The following PPP1R14D variants were observed in gnomAD, a reference collection of about 807,000 sequenced individuals.
PPP1R14D encodes protein phosphatase 1 regulatory subunit 14D.
In PPP1R14D, 14 loss-of-function variants were observed where a neutral mutation model predicts 17.1. That is an observed-to-expected ratio of 0.82 (90% CI 0.54 to 1.28). The LOEUF (loss-of-function observed/expected upper bound fraction) is 1.28, where lower values mean the gene tolerates loss of function less well. Ranked by LOEUF, PPP1R14D falls within the 50% of genes most tolerant of loss-of-function variation. The probability of loss-of-function intolerance (pLI) is 0.00; values close to 1 mark genes in which losing one functional copy is unlikely to be tolerated. For synonymous variants in PPP1R14D, 67 were observed against 66.1 expected (o/e 1.01, Z -0.06); for missense variants, 173 against 179.2 (o/e 0.97, Z 0.20).
intron 1 of PPP1R14D, among the ~76,000 whole-genome samples, chr15:40,826,016 A>C (rs1195217349): frequency 1.3e-5 from 2 of 152,250 alleles, no homozygotes. Flanking sequence ...GCAAGTGCAC[A>C]ATAAACAATC....
chr15:40,819,998 C>T (rs942056326), intron 1 of PPP1R14D, among the ~76,000 whole-genome samples: 4 of 151,652 alleles, frequency 2.6e-5, no homozygotes, highest in African/African-American at 9.7e-5. Context: ...TCCCGAGTAG[C>T]TGGGATTATA....
intron 1 of PPP1R14D, among the ~76,000 whole-genome samples, chr15:40,827,539 A>C (rs1890889090): frequency 6.6e-6 from 1 of 151,888 alleles, no homozygotes; most frequent in Admixed American, 6.6e-5. Context: ...AATGTGGCCC[A>C]TGTGACTGGG....
In PPP1R14D at chr15:40,823,153, G is replaced by A. The variant is rs557405601; in HGVS notation, c.255+5234C>T. Among the ~76,000 whole-genome samples, 5 of 151,788 alleles carry A rather than the reference G, an allele frequency of 3.3e-5. No individual in the cohort carries two copies. In the South Asian group the frequency reaches 8.3e-4, roughly 25 times the overall value. ...CTAATTTTGTATTTTTAGTAGAGAC[G>A]GGATTTCACCATGTTGGCCAGGCTG... On this transcript the variant is annotated intron_variant, in intron 1 of 3. Coordinates refer to ENST00000299174, the MANE Select transcript of PPP1R14D (RefSeq NM_017726.8).
rs201528214 is a variant in PPP1R14D at position 40,828,514 on chromosome 15, G to A, written c.128C>T (p.Pro43Leu). The A allele has an allele frequency of 3.7e-6, 6 of 1,614,196 alleles. No homozygotes were observed. The highest frequency in any genetic ancestry group is 3.3e-5 in the Admixed American group (2 of 60,016). Reference sequence around the variant, plus strand: ...GGACCTGGGTATCTTGGAGGAGTCCGGGTGGGACTTGGACTCTGAGTCTGT... The same window carrying A: ...GGACCTGGGTATCTTGGAGGAGTCCAGGTGGGACTTGGACTCTGAGTCTGT... ...SSTDSESKSH[P>L]DSSKIPRSRR... is the part of the protein sequence containing the mutation. The change falls in exon 1 of 4, where the codon CCG (proline) becomes CTG (leucine). Residue 43 changes from proline to leucine, a missense_variant. Coordinates refer to ENST00000299174, the MANE Select transcript of PPP1R14D (RefSeq NM_017726.8).
intron 1 of PPP1R14D, among the ~76,000 whole-genome samples, chr15:40,821,040 GAAA>G (rs1162634254): frequency 9.3e-6 from 1 of 107,508 alleles, no homozygotes; most frequent in Non-Finnish European, 2.0e-5. Context: ...AAAATAAGAA[GAAA>G]AAAAAAGAAC....
chr15:40,819,241 T>C (rs1890728367), intron 1 of PPP1R14D, among the ~76,000 whole-genome samples: 1 of 152,144 alleles, frequency 6.6e-6, no homozygotes, highest in African/African-American at 2.4e-5. Context: ...ACTGTTGCTT[T>C]TGCATTATCA....
intron 1 of PPP1R14D, chr15:40,817,194 TG>T: frequency 7.4e-6 from 2 of 270,656 alleles, no homozygotes; most frequent in South Asian, 2.8e-5. Context: ...CCGTCTCTAC[TG>T]AATATACAAA....
chr15:40,816,847 G>A (rs1345549780), intron 1 of PPP1R14D, among the ~76,000 whole-genome samples: 2 of 150,568 alleles, frequency 1.3e-5, no homozygotes, highest in Non-Finnish European at 3.0e-5. Flanking sequence ...TGAGGTGGGT[G>A]GATTATTTGA....
At chr15:40,816,543 T>C (rs1236629363) in intron 1 of PPP1R14D, among the ~76,000 whole-genome samples, 2 of 151,502 alleles carry the variant, frequency 1.3e-5, no homozygotes, top group East Asian at 3.9e-4. Context: ...TGAAATCCTG[T>C]CTCTACTAAA....
Position 40,816,171 on chromosome 15 carries a change from T to C in PPP1R14D, c.338A>G (p.Glu113Gly). ...GCCAGCTTCTAGCCCCCATCCTACC[T>C]CCAGCTGAGTCTTCTGCTCCTCTGT... ...LSTEEQKTQL[E>G]AILGNCPRPT... The change falls in exon 2 of 4, where the codon GAG becomes GGG. Residue 113 changes from glutamate (E) to glycine (G), a missense_variant and splice_region_variant. By Grantham distance (98) the Glu-to-Gly change is moderately conservative (BLOSUM62 -2). Transcript: ENST00000299174. 6.2e-7 allele frequency: 1 copy of C among 1,613,950 alleles called. No homozygotes were observed. Among genetic ancestry groups the C allele is most frequent in the Non-Finnish European group, 8.5e-7 (1 of 1,179,880 alleles).
At position 40,822,254 on chromosome 15, in the gene PPP1R14D, G is replaced by A. The variant is rs188989234; in HGVS notation, c.256-6001C>T. ...AATCCCAGTACTTTGGGAGGTCAAGGCAGGCAGATTGCTTGAGCCCAAAAG... is the reference window on the plus strand; with the variant it reads ...AATCCCAGTACTTTGGGAGGTCAAGACAGGCAGATTGCTTGAGCCCAAAAG... On this transcript the variant is annotated intron_variant, in intron 1 of 3. Coordinates refer to ENST00000299174, the MANE Select transcript of PPP1R14D (RefSeq NM_017726.8). Among the ~76,000 whole-genome samples, 121 of 152,094 alleles carry A rather than the reference G, an allele frequency of 8.0e-4. 1 individual carries two copies. Among genetic ancestry groups the A allele is most frequent in the African/African-American group, 2.8e-3 (116 of 41,512 alleles).
chr15:40,822,965 A>ATTTTTTT (rs35437867), intron 1 of PPP1R14D, among the ~76,000 whole-genome samples: 2 of 123,610 alleles, frequency 1.6e-5, no homozygotes, highest in African/African-American at 6.3e-5. Context: ...CATCCGGCTA[A>ATTTTTTT]TTTTTTTTTT....
chr15:40,821,045 A>G (rs906336317), intron 1 of PPP1R14D, among the ~76,000 whole-genome samples: 8 of 151,582 alleles, frequency 5.3e-5, no homozygotes, highest in African/African-American at 1.9e-4. Context: ...AAGAAGAAAA[A>G]AAAAGAACCA....
intron 1 of PPP1R14D, among the ~76,000 whole-genome samples, chr15:40,819,814 CATGT>C (rs1890739353): frequency 6.6e-6 from 1 of 151,600 alleles, no homozygotes; most frequent in African/African-American, 2.4e-5. Context: ...TGGGGAAATA[CATGT>C]ATGTGTTTAT....
intron 2 of PPP1R14D, 52 bp from the exon 3 acceptor site, chr15:40,816,046 A>G (rs541264068): frequency 1.2e-6 from 2 of 1,608,696 alleles, no homozygotes; most frequent in South Asian, 2.2e-5. Flanking sequence ...CTTTCCCGCA[A>G]GTCCCCACCA....
At chr15:40,815,919 T>C (rs1195029889) in intron 3 of PPP1R14D, 43 bp downstream of exon 3, 1 of 1,609,610 alleles carries the variant, frequency 6.2e-7, no homozygotes, top group African/African-American at 1.3e-5. Context: ...CCTCCCCCAT[T>C]GGGCCTCCTC....
intron 1 of PPP1R14D, among the ~76,000 whole-genome samples, chr15:40,816,988 C>A (rs1194506324): frequency 6.6e-6 from 1 of 151,878 alleles, no homozygotes; most frequent in African/African-American, 2.4e-5. Flanking sequence ...AGGAGAATGG[C>A]TTCAACCAGA....
Position 40,828,627 on chromosome 15 carries a change from G to C in PPP1R14D, c.15C>G (p.Ser5Arg), listed in dbSNP as rs1890916193. Residue 5 changes from serine to arginine, a missense_variant, in exon 1 of 4, where the codon AGC becomes AGG. Transcript: ENST00000299174. Reference sequence around the variant, plus strand: ...GGCTGGGAGATGTGCAGGAAGCAGGGCTTGAAGACAGCATGGAAGTATTGG... The same window carrying C: ...GGCTGGGAGATGTGCAGGAAGCAGGCCTTGAAGACAGCATGGAAGTATTGG... The part of the protein sequence containing the change: MLSS[S>R]PASCTSPSPD... 1 of 1,611,950 alleles carries C rather than the reference G, an allele frequency of 6.2e-7. No individual in the cohort carries two copies. The highest frequency in any genetic ancestry group is 1.7e-5 in the Admixed American group (1 of 59,854).
At chr15:40,827,685 C>A (rs551838338) in intron 1 of PPP1R14D, among the ~76,000 whole-genome samples, 13 of 152,200 alleles carry the variant, frequency 8.5e-5, no homozygotes, top group Admixed American at 8.5e-4. Context: ...CTTTGAGAGG[C>A]CGAGGCAGGC....
Sources: allele counts gnomAD v4.1 joint callset (sites outside exome capture counted in the v4.1 genomes callset), GRCh38; gene constraint gnomAD v4.1.1; transcripts MANE v1.5; gene names NCBI Gene and HGNC (gene_info 2026-07-23, HGNC 2026-07-21).